The following STOX1 variants were observed in gnomAD, a reference collection of about 807,000 sequenced individuals.
STOX1 encodes storkhead box 1, also known as storkhead-box protein 1.
In STOX1, 57 loss-of-function variants were observed where a neutral mutation model predicts 74.8. The observed-to-expected ratio is 0.76, with a 90% CI of 0.62 to 0.95. STOX1 has a LOEUF of 0.95. Among genes scored for constraint, STOX1 ranks in the 40% least tolerant of loss-of-function variants. The pLI is 0.00. For synonymous variants in STOX1, 375 were observed against 401.3 expected (o/e 0.93, Z 0.78); for missense variants, 1,010 against 1,117.0 (o/e 0.90, Z 1.37).
intron 1 of STOX1, among the ~76,000 whole-genome samples, chr10:68,841,361 GTC>G (rs1839689272): frequency 6.6e-6 from 1 of 152,176 alleles, no homozygotes. Context: ...GCAGGAAAAA[GTC>G]TCTCATTTCC....
chr10:68,867,234 C>T (rs10998467), intron 1 of STOX1, among the ~76,000 whole-genome samples: 6,646 of 152,104 alleles, frequency 0.044, 332 homozygotes, highest in African/African-American at 0.12. Context: ...TGTGAGCCAC[C>T]GTGCCTGGCC....
rs540679499 is a variant in STOX1, at chr10:68,892,256, T to G, written c.2823-333T>G. Among the ~76,000 whole-genome samples, 7 of 152,202 alleles carry G rather than the reference T, an allele frequency of 4.6e-5. 1 individual carries two copies. Among genetic ancestry groups the G allele is most frequent in the African/African-American group, 1.7e-4 (7 of 41,530 alleles). ...TGATTTCTCATAAAAGTAATAAATT[T>G]CACAGGAAGATATTGGCCACTTCAG... On this transcript the variant is annotated intron_variant, in intron 3 of 3. Coordinates refer to ENST00000298596, the MANE Select transcript of STOX1 (RefSeq NM_152709.5).
At chr10:68,831,474 T>C (rs1839410274) in intron 1 of STOX1, among the ~76,000 whole-genome samples, 2 of 152,188 alleles carry the variant, frequency 1.3e-5, no homozygotes, top group South Asian at 4.2e-4. Flanking sequence ...CATGAGCCAC[T>C]GCGCCTGGCT....
rs529216221 is a variant in STOX1, at chr10:68,884,659, C to T, written c.863C>T (p.Ala288Val). The T allele has an allele frequency of 4.0e-5, 64 of 1,614,074 alleles. No individual in the cohort carries two copies. The East Asian group carries it at 4.9e-4, about 12-fold the overall frequency. ...CAGAATGGGGCAGTTTCAGTGTCTG[C>T]GGAGCACCACATTTGTGAGAGCACC... ...WVQNGAVSVS[A>V]EHHICESTKP... is the part of the protein sequence containing the mutation. The change falls in exon 3 of 4, where the codon GCG (alanine) becomes GTG (valine). Residue 288 changes from alanine to valine, a missense_variant. Ala to Val is a moderately conservative substitution (Grantham distance 64, BLOSUM62 0). Coordinates refer to ENST00000298596, the MANE Select transcript of STOX1 (RefSeq NM_152709.5).
At chr10:68,833,137 G>C (rs1839454655) in intron 1 of STOX1, among the ~76,000 whole-genome samples, 1 of 146,362 alleles carries the variant, frequency 6.8e-6, no homozygotes, top group Admixed American at 6.9e-5. Context: ...CCAGGCTGGA[G>C]TGCAGTGGTG....
intron 1 of STOX1, among the ~76,000 whole-genome samples, chr10:68,874,965 G>A (rs1333207548): frequency 3.3e-5 from 5 of 151,902 alleles, no homozygotes; most frequent in Non-Finnish European, 7.4e-5. Context: ...TGAAATGGCC[G>A]GGAAATGGAT....
intron 1 of STOX1, among the ~76,000 whole-genome samples, chr10:68,858,884 A>G (rs1165130475): frequency 6.6e-6 from 1 of 152,086 alleles, no homozygotes; most frequent in Non-Finnish European, 1.5e-5. Flanking sequence ...GTATATGTGT[A>G]TAGTCTGGGC....
rs1840965930 is a variant in STOX1, at chr10:68,886,587, A to G, written c.2791A>G (p.Met931Val). ...SHLEGTENHS[M>V]AGDSGIDSPR... ...CTTGGAAGGGACAGAAAATCACAGC[A>G]TGGCAGGAGATAGTGGAATAGATTC... Residue 931 changes from methionine to valine, a missense_variant, in exon 3 of 4, where the codon ATG becomes GTG. Transcript: ENST00000298596. 1.2e-6 allele frequency: 2 copies of G among 1,614,182 alleles called. No individual in the cohort carries two copies. Among genetic ancestry groups the G allele is most frequent in the Non-Finnish European group, 1.7e-6 (2 of 1,180,020 alleles).
intron 3 of STOX1, among the ~76,000 whole-genome samples, chr10:68,891,077 C>T (rs1311716994): frequency 3.3e-5 from 5 of 152,166 alleles, no homozygotes; most frequent in African/African-American, 9.7e-5. Flanking sequence ...AGAGACATTA[C>T]TCCTTGATAG....
chr10:68,834,820 G>A (rs909399417), intron 1 of STOX1, among the ~76,000 whole-genome samples: 2 of 152,126 alleles, frequency 1.3e-5, no homozygotes, highest in African/African-American at 4.8e-5. Context: ...TGCCTCCCGG[G>A]TTCAAGCGAT....
At chr10:68,865,469 G>A (rs1269420396) in intron 1 of STOX1, among the ~76,000 whole-genome samples, 1 of 152,198 alleles carries the variant, frequency 6.6e-6, no homozygotes, top group Non-Finnish European at 1.5e-5. Context: ...CTAACATGGT[G>A]AAACCCCGTC....
In STOX1 at chr10:68,886,554, C is replaced by T. The variant is rs1389008830; in HGVS notation, c.2758C>T (p.His920Tyr). Reference sequence around the variant, plus strand: ...GTTGGCTCAGGATGTCCAATATGAACACAGTCACTTGGAAGGGACAGAAAA... The same window carrying T: ...GTTGGCTCAGGATGTCCAATATGAATACAGTCACTTGGAAGGGACAGAAAA... ...PVLAQDVQYE[H>Y]SHLEGTENHS... Residue 920 changes from histidine (H) to tyrosine (Y), a missense_variant, in exon 3 of 4, where the codon CAC becomes TAC. By Grantham distance (83) the His-to-Tyr change is moderately conservative. Coordinates refer to ENST00000298596, the MANE Select transcript of STOX1 (RefSeq NM_152709.5). The T allele has an allele frequency of 1.2e-6, 2 of 1,614,116 alleles. No individual in the cohort carries two copies. Among genetic ancestry groups the T allele is most frequent in the African/African-American group, 2.7e-5 (2 of 75,046 alleles).
intron 2 of STOX1, among the ~76,000 whole-genome samples, chr10:68,884,032 T>C (rs1840874122): frequency 6.6e-6 from 1 of 152,192 alleles, no homozygotes; most frequent in African/African-American, 2.4e-5. Context: ...TTGCCTAGCC[T>C]GGTCTTGAAC....
At chr10:68,879,862 C>G (rs10998470) in intron 1 of STOX1, among the ~76,000 whole-genome samples, 10,905 of 152,080 alleles carry the variant, frequency 0.072, 522 homozygotes, top group African/African-American at 0.12. Context: ...CACAGGGCAG[C>G]CTCCCACCGC....
intron 1 of STOX1, among the ~76,000 whole-genome samples, chr10:68,848,627 C>T (rs978876755): frequency 1.3e-5 from 2 of 152,206 alleles, no homozygotes; most frequent in East Asian, 3.9e-4. Context: ...GGAGAGGGCC[C>T]AGCACACAGT....
At chr10:68,867,132 A>C (rs959600822) in intron 1 of STOX1, among the ~76,000 whole-genome samples, 10 of 151,666 alleles carry the variant, frequency 6.6e-5, no homozygotes, top group Non-Finnish European at 1.5e-4. Flanking sequence ...TTTTTAGTAG[A>C]GACAGGGTTT....
chr10:68,894,026 A>G (rs748330367), downstream of STOX1, among the ~76,000 whole-genome samples: 9 of 151,642 alleles, frequency 5.9e-5, no homozygotes, highest in Non-Finnish European at 1.0e-4. Flanking sequence ...CGAGAAGATG[A>G]TGGTGCTGAT....
intron 2 of STOX1, 148 bp from the exon 3 acceptor site, chr10:68,884,112 C>A: frequency 1.3e-6 from 1 of 751,230 alleles, no homozygotes; most frequent in South Asian, 1.7e-5. Context: ...AGCCATCACA[C>A]CCATCCCTGG....
In STOX1 at chr10:68,865,123, T is replaced by C. The variant is rs560558691; in HGVS notation, c.311-16835T>C. Among the ~76,000 whole-genome samples, 24 of 146,040 alleles carry C rather than the reference T, an allele frequency of 1.6e-4. No homozygotes were observed. The South Asian group carries it at 4.8e-3, about 29-fold the overall frequency. ...GGCAGCACAAAGAATATCATCCATA[T>C]AATGAATAATGTAACACTGTGAAAA... is the stretch of plus-strand genomic sequence containing the variant. On this transcript the variant is annotated intron_variant, in intron 1 of 3. Transcript: ENST00000298596.
Sources: allele counts gnomAD v4.1 joint callset (sites outside exome capture counted in the v4.1 genomes callset), GRCh38; gene constraint gnomAD v4.1.1; transcripts MANE v1.5; gene names NCBI Gene and HGNC (gene_info 2026-07-23, HGNC 2026-07-21).